The following UBL3 variants were observed in gnomAD, a reference collection of about 807,000 sequenced individuals.
The protein encoded by UBL3 is ubiquitin like 3, also known as ubiquitin-like protein 3.
A neutral mutation model predicts 18.4 loss-of-function variants in UBL3; 6 were observed. That is an observed-to-expected ratio of 0.33 (90% CI 0.18 to 0.64). The LOEUF (loss-of-function observed/expected upper bound fraction) is 0.64. Ranked by LOEUF, UBL3 falls within the 30% of genes least tolerant of loss-of-function variation. The pLI is 0.76. For missense variants in UBL3, 109 were observed against 142.9 expected, an observed-to-expected ratio of 0.76 and a Z score of 1.21; for synonymous variants, 49 against 46.6, an observed-to-expected ratio of 1.05 and a Z score of -0.21.
chr13:29,807,471 CTT>C lies in UBL3; in HGVS notation c.28-30210_28-30209del, dbSNP rs571045270. Among the ~76,000 whole-genome samples the C allele has an allele frequency of 8.6e-4, 131 of 152,286 alleles. 1 individual carries two copies. The highest frequency in any genetic ancestry group is 3.4e-3 in the Middle Eastern group (1 of 294). On this transcript the variant is annotated intron_variant, in intron 1 of 4. Coordinates refer to ENST00000380680, the MANE Select transcript of UBL3 (RefSeq NM_007106.4). ...CTTCAATTCTCATTGCCTTTTATCT[CTT>C]TGTTTTCTGCTCTCCACCAAATTAT...
At chr13:29,808,378 C>G (rs1051961194) in intron 1 of UBL3, among the ~76,000 whole-genome samples, 1 of 152,076 alleles carries the variant, frequency 6.6e-6, no homozygotes, top group Non-Finnish European at 1.5e-5. Flanking sequence ...CCCACTCCCC[C>G]CACCTCACAC....
intron 1 of UBL3, among the ~76,000 whole-genome samples, chr13:29,839,927 G>A (rs368444364): frequency 6.3e-5 from 9 of 142,826 alleles, no homozygotes; most frequent in African/African-American, 2.3e-4. Context: ...ACTCCGTCTC[G>A]GGGGAAAAAA....
In UBL3 at chr13:29,837,107, C is replaced by T. The variant is rs567262641; in HGVS notation, c.27+12405G>A. ...AATCAATGTTTTTCTAACTACTCACCAGAGGATATTAAATCCTATACGGAG... is the reference window on the plus strand; with the variant it reads ...AATCAATGTTTTTCTAACTACTCACTAGAGGATATTAAATCCTATACGGAG... On this transcript the variant is annotated intron_variant, in intron 1 of 4. Transcript: ENST00000380680. 1.4e-4 allele frequency among the ~76,000 whole-genome samples: 22 copies of T among 152,316 alleles called. No individual in the cohort carries two copies. In the South Asian group the frequency reaches 4.6e-3, roughly 32 times the overall value.
At chr13:29,823,154 T>C (rs1878516457) in intron 1 of UBL3, among the ~76,000 whole-genome samples, 1 of 152,222 alleles carries the variant, frequency 6.6e-6, no homozygotes, top group Non-Finnish European at 1.5e-5. Context: ...TTTTCTTTTT[T>C]TTCTTTGAGA....
At chr13:29,831,520 G>A (rs1289447032) in intron 1 of UBL3, among the ~76,000 whole-genome samples, 5 of 151,550 alleles carry the variant, frequency 3.3e-5, no homozygotes, top group Non-Finnish European at 5.9e-5. Context: ...CCAGGGAGAC[G>A]GAGGTTGCGG....
At chr13:29,771,574 C>T (rs1440368933) in intron 3 of UBL3, among the ~76,000 whole-genome samples, 1 of 152,000 alleles carries the variant, frequency 6.6e-6, no homozygotes, top group Non-Finnish European at 1.5e-5. Context: ...AAGTCACTTG[C>T]CCAAGGTTTA....
At chr13:29,846,060 G>T (rs1268604676) in intron 1 of UBL3, among the ~76,000 whole-genome samples, 1 of 151,914 alleles carries the variant, frequency 6.6e-6, no homozygotes, top group African/African-American at 2.4e-5. Context: ...TACTAACACA[G>T]GCAGTAAATA....
At chr13:29,812,140 A>G (rs374076979) in intron 1 of UBL3, among the ~76,000 whole-genome samples, 5 of 152,076 alleles carry the variant, frequency 3.3e-5, no homozygotes, top group African/African-American at 9.7e-5. Context: ...TTAAGTCTTG[A>G]AGTCCACAAT....
intron 1 of UBL3, among the ~76,000 whole-genome samples, chr13:29,827,051 AGTTT>A (rs1207407956): frequency 1.3e-5 from 2 of 152,148 alleles, no homozygotes; most frequent in African/African-American, 4.8e-5. Flanking sequence ...TCTGAGAGAC[AGTTT>A]GTTATAATTT....
chr13:29,773,190 T>C (rs1044230694), intron 2 of UBL3, among the ~76,000 whole-genome samples: 2 of 152,200 alleles, frequency 1.3e-5, no homozygotes, highest in African/African-American at 4.8e-5. Context: ...GAGACTTTTC[T>C]TTTGCCCTTT....
chr13:29,816,754 C>CA (rs57272367), intron 1 of UBL3, among the ~76,000 whole-genome samples: 8,231 of 42,400 alleles, frequency 0.19, 2,058 homozygotes, highest in Non-Finnish European at 0.34. Flanking sequence ...GACCCTGTCT[C>CA]AAAAAAAAAA....
intron 1 of UBL3, among the ~76,000 whole-genome samples, chr13:29,801,159 G>GGGCCT (rs2139332716): frequency 6.6e-6 from 1 of 152,286 alleles, no homozygotes; most frequent in South Asian, 2.1e-4. Flanking sequence ...AAGGAACAGA[G>GGGCCT]GGCCTGATGG....
intron 3 of UBL3, among the ~76,000 whole-genome samples, chr13:29,771,756 GA>G (rs1876845318): frequency 1.3e-5 from 2 of 151,934 alleles, no homozygotes; most frequent in Non-Finnish European, 2.9e-5. Flanking sequence ...TCATATATTT[GA>G]AAACTATCAT....
rs1397709815 is a variant in UBL3 at position 29,765,776 on chromosome 13, C to T, written c.*1479G>A. The T allele has an allele frequency of 6.6e-6, 1 of 152,426 alleles. No homozygotes were observed. The highest frequency in any genetic ancestry group is 2.4e-5 in the African/African-American group (1 of 41,400). The allele number at this position is 152,426 out of a possible 1,614,324, so 9.4% of individuals were successfully genotyped here. ...TTTCGTAGATCTACTGCATATAAAG[C>T]CTTTTCATCAAAGCATTAACAATGA... On this transcript the variant is annotated 3_prime_UTR_variant, in exon 5 of 5. Coordinates refer to ENST00000380680, the MANE Select transcript of UBL3 (RefSeq NM_007106.4).
chr13:29,841,035 C>T lies in UBL3; in HGVS notation c.27+8477G>A, dbSNP rs112811040. Reference sequence around the variant, plus strand: ...AGACTATTTCTAAGGCAAAGAAAAACACTAATTTTATATGAAAGTAAAGAA... The same window carrying T: ...AGACTATTTCTAAGGCAAAGAAAAATACTAATTTTATATGAAAGTAAAGAA... On this transcript the variant is annotated intron_variant, in intron 1 of 4. Transcript: ENST00000380680. 2.8e-3 allele frequency among the ~76,000 whole-genome samples: 432 copies of T among 152,136 alleles called. 1 individual carries two copies. Among genetic ancestry groups the T allele is most frequent in the African/African-American group, 9.9e-3 (413 of 41,528 alleles).
At chr13:29,777,352 C>A in intron 1 of UBL3, 89 bp from the exon 2 acceptor site, 1 of 998,094 alleles carries the variant, frequency 1.0e-6, no homozygotes. Flanking sequence ...TCAATCACAT[C>A]CTAAATTATT....
intron 1 of UBL3, among the ~76,000 whole-genome samples, chr13:29,832,843 T>C (rs1235916574): frequency 6.6e-6 from 1 of 152,230 alleles, no homozygotes; most frequent in African/African-American, 2.4e-5. Flanking sequence ...TTACAGTGTC[T>C]AGCTGCCTGA....
At chr13:29,770,000 T>C (rs1876797731) in intron 3 of UBL3, among the ~76,000 whole-genome samples, 1 of 152,088 alleles carries the variant, frequency 6.6e-6, no homozygotes, top group Admixed American at 6.6e-5. Context: ...ATTCTTTCTT[T>C]AGGTAGCTCA....
chr13:29,822,497 TTCTA>T (rs1339279461), intron 1 of UBL3, among the ~76,000 whole-genome samples: 2 of 152,216 alleles, frequency 1.3e-5, no homozygotes, highest in African/African-American at 4.8e-5. Flanking sequence ...TCTAATTTGC[TTCTA>T]TCTTAGTGAA....
Sources: allele counts gnomAD v4.1 joint callset (sites outside exome capture counted in the v4.1 genomes callset), GRCh38; gene constraint gnomAD v4.1.1; transcripts MANE v1.5; gene names NCBI Gene and HGNC (gene_info 2026-07-23, HGNC 2026-07-21).